Variants in MEFV observed in about 807,000 individuals in gnomAD.
MEFV encodes the protein pyrin.
In MEFV, 60 loss-of-function variants were observed where a neutral mutation model predicts 62.5. That is an observed-to-expected ratio of 0.96 (90% CI 0.78 to 1.19). The LOEUF is 1.19. Ranked by LOEUF, MEFV falls within the 50% of genes most tolerant of loss-of-function variation. The pLI, the probability that MEFV is intolerant of heterozygous loss-of-function variation, is 0.00. For missense variants in MEFV, 1,169 were observed against 1,004.5 expected (o/e 1.16, Z -2.21); for synonymous variants, 500 against 415.2 (o/e 1.20, Z -2.48).
At chr16:3,253,942 C>T (rs909428456) in intron 2 of MEFV, among the ~76,000 whole-genome samples, 5 of 152,070 alleles carry the variant, frequency 3.3e-5, no homozygotes, top group South Asian at 2.1e-4. Flanking sequence ...AGAGCTACCA[C>T]GCCCTGCCCA....
Position 3,243,130 on chromosome 16 carries a change from G to A in MEFV, c.*11C>T, listed in dbSNP as rs1312371186. Reference sequence around the variant, plus strand: ...GGCCAGAAGCAGGAAGAGAGATGCAGTGTTGGGCATTCAGTCAGGCCCCTG... The same window carrying A: ...GGCCAGAAGCAGGAAGAGAGATGCAATGTTGGGCATTCAGTCAGGCCCCTG... On this transcript the variant is annotated 3_prime_UTR_variant, in exon 10 of 10. Transcript: ENST00000219596. The A allele has an allele frequency of 2.5e-6, 4 of 1,612,286 alleles. No homozygotes were observed. Among genetic ancestry groups the A allele is most frequent in the African/African-American group, 1.3e-5 (1 of 74,874 alleles).
rs1184600766 is a variant in MEFV at position 3,254,136 on chromosome 16, AG to A, written c.910+21del. 3 of 1,612,984 alleles carry A rather than the reference AG, an allele frequency of 1.9e-6. No individual in the cohort carries two copies. In the South Asian group the frequency reaches 3.3e-5, roughly 18 times the overall value. On this transcript the variant is annotated intron_variant, in intron 2 of 9. Transcript: ENST00000219596. ...CATTCTTTCTCTGCAGCCGATATAA[AG>A]TAGGAAAGAACACAATTTACCGGTG...
At chr16:3,244,698 G>A (rs1958913145) in intron 6 of MEFV, 110 bp from the exon 7 acceptor site, 1 of 823,486 alleles carries the variant, frequency 1.2e-6, no homozygotes, top group South Asian at 1.4e-5. Flanking sequence ...AGCCCAGCCT[G>A]AGCTACACAA....
chr16:3,244,273 T>C lies in MEFV; in HGVS notation c.1740A>G (p.Ser580=). ...STKYFSETLR[S]EMEMFNVPEL... Reference sequence around the variant, plus strand: ...ACTCACCATTGAACATTTCCATTTCTGAACGCAGGGTTTCTAAAATGTGGG... The same window carrying C: ...ACTCACCATTGAACATTTCCATTTCCGAACGCAGGGTTTCTAAAATGTGGG... The change falls in exon 8 of 10, where the codon TCA becomes TCG. Residue 580 remains serine, a synonymous_variant. Coordinates refer to ENST00000219596, the MANE Select transcript of MEFV (RefSeq NM_000243.3). The C allele has an allele frequency of 6.2e-7, 1 of 1,614,148 alleles. No homozygotes were observed. Among genetic ancestry groups the C allele is most frequent in the Non-Finnish European group, 8.5e-7 (1 of 1,180,014 alleles).
chr16:3,251,010 A>C (rs1195558276), intron 2 of MEFV, among the ~76,000 whole-genome samples: 1 of 140,264 alleles, frequency 7.1e-6, no homozygotes, highest in Non-Finnish European at 1.5e-5. Flanking sequence ...GGTGACCAAG[A>C]GAGACTCCAT....
Position 3,249,671 on chromosome 16 carries a change from C to G in MEFV, c.1020G>C (p.Gly340=). ...DSCSFPEAVS[G]HPQASGSRSP... ...AGCGGCTGCCTGAGGCCTGGGGGTG[C>G]CCAGAAACTGCCTCGGGGAAGCTGC... Residue 340 remains glycine, a synonymous_variant, in exon 3 of 10, where the codon GGG becomes GGC. Transcript: ENST00000219596. 2 of 1,612,782 alleles carry G rather than the reference C, an allele frequency of 1.2e-6. No homozygotes were observed. Among genetic ancestry groups the G allele is most frequent in the African/African-American group, 1.3e-5 (1 of 75,028 alleles).
rs754128103 is a variant in MEFV, at chr16:3,249,460, G to A, written c.1231C>T (p.Pro411Ser). ...TGTTCCAGGGCGACCTCCTCAATGG[G>A]GCGCACCCGGTGGCCTTGGTGCTCC... is the stretch of plus-strand genomic sequence containing the variant. ...SQEHQGHRVR[P>S]IEEVALEHKK... Residue 411 changes from proline (P) to serine (S), a missense_variant, in exon 3 of 10, where the codon CCC becomes TCC. Transcript: ENST00000219596. 6.2e-7 allele frequency: 1 copy of A among 1,614,006 alleles called. No individual in the cohort carries two copies. The highest frequency in any genetic ancestry group is 8.5e-7 in the Non-Finnish European group (1 of 1,180,026).
rs104895166 is a variant in MEFV, at chr16:3,243,382, G to A, written c.2105C>T (p.Ser702Phe). Residue 702 changes from serine to phenylalanine, a missense_variant, in exon 10 of 10, where the codon TCC becomes TTC. Transcript: ENST00000219596. Reference sequence around the variant, plus strand: ...TAGCAGGCGGGTCGGGGGAACGCTGGACGCCTGGTACTCATTTTCCTTCAT... The same window carrying A: ...TAGCAGGCGGGTCGGGGGAACGCTGAACGCCTGGTACTCATTTTCCTTCAT... ...IMMKENEYQA[S>F]SVPPTRLLIK... 1 of 1,614,146 alleles carries A rather than the reference G, an allele frequency of 6.2e-7. No individual in the cohort carries two copies. The highest frequency in any genetic ancestry group is 8.5e-7 in the Non-Finnish European group (1 of 1,180,036).
chr16:3,248,749 G>C (rs1454169236), intron 4 of MEFV, 160 bp downstream of exon 4: 2 of 985,268 alleles, frequency 2.0e-6, no homozygotes, highest in East Asian at 2.3e-4. Context: ...TCCCTCTACA[G>C]GGATGAGCTT....
intron 8 of MEFV, 114 bp downstream of exon 8, chr16:3,244,140 G>A (rs1488296175): frequency 1.9e-6 from 3 of 1,554,362 alleles, no homozygotes; most frequent in Non-Finnish European, 2.6e-6. Context: ...TCCTACCTTT[G>A]CTCCAGGTGT....
In MEFV at chr16:3,254,793, G is replaced by GGAAT. The variant is rs755390179; in HGVS notation, c.278-4_278-3insATTC. 1 of 1,611,048 alleles carries GGAAT rather than the reference G, an allele frequency of 6.2e-7. No individual in the cohort carries two copies. The highest frequency in any genetic ancestry group is 1.3e-5 in the African/African-American group (1 of 75,066). ...GCCGTTTTCTTGTGTGGAATATTCTGGAAGGACAACCAGATGCAAAATGAT... is the reference window on the plus strand; with the variant it reads ...GCCGTTTTCTTGTGTGGAATATTCTGGAATGAAGGACAACCAGATGCAAAATGAT... On this transcript the variant is annotated splice_region_variant and splice_polypyrimidine_tract_variant and intron_variant, in intron 1 of 9. Coordinates refer to ENST00000219596, the MANE Select transcript of MEFV (RefSeq NM_000243.3).
At position 3,242,853 on chromosome 16, in the gene MEFV, A is replaced by T; in HGVS notation, c.*288T>A. 2 of 470,984 alleles carry T rather than the reference A, an allele frequency of 4.2e-6. No individual in the cohort carries two copies. Among genetic ancestry groups the T allele is most frequent in the South Asian group, 2.0e-5 (1 of 49,192 alleles). The allele number at this position is 470,984 out of a possible 1,614,324, so 29.2% of individuals were successfully genotyped here. ...AAAATGAGGGCCAAATCTTCTGTTCAGGAGCACCTGAGAGTGCCACCCACC... is the reference window on the plus strand; with the variant it reads ...AAAATGAGGGCCAAATCTTCTGTTCTGGAGCACCTGAGAGTGCCACCCACC... On this transcript the variant is annotated 3_prime_UTR_variant, in exon 10 of 10. Coordinates refer to ENST00000219596, the MANE Select transcript of MEFV (RefSeq NM_000243.3).
chr16:3,244,017 G>T (rs1333097581), intron 8 of MEFV, 125 bp from the exon 9 acceptor site: 1 of 1,556,732 alleles, frequency 6.4e-7, no homozygotes, highest in Non-Finnish European at 8.7e-7. Flanking sequence ...ATGCTATGTT[G>T]GGTATAATCC....
intron 6 of MEFV, among the ~76,000 whole-genome samples, chr16:3,245,878 G>T (rs1049054349): frequency 6.6e-6 from 1 of 152,174 alleles, no homozygotes; most frequent in African/African-American, 2.4e-5. Context: ...GTACACCCTT[G>T]TTCATAGCAA....
chr16:3,248,874 G>A (rs1958985561), intron 4 of MEFV, 35 bp downstream of exon 4: 1 of 1,612,888 alleles, frequency 6.2e-7, no homozygotes, highest in Non-Finnish European at 8.5e-7. Flanking sequence ...CTTCCTCCCA[G>A]GGACGGATGG....
Position 3,254,807 on chromosome 16 carries a change from A to G in MEFV, c.278-17T>C. 9 of 1,609,284 alleles carry G rather than the reference A, an allele frequency of 5.6e-6. No homozygotes were observed. The highest frequency in any genetic ancestry group is 1.7e-5 in the Admixed American group (1 of 60,030). The stretch of plus-strand genomic sequence containing the variant: ...TGGAATATTCTGGAAGGACAACCAG[A>G]TGCAAAATGATGAAGCTGTCCCACG... On this transcript the variant is annotated splice_polypyrimidine_tract_variant and intron_variant, in intron 1 of 9. Coordinates refer to ENST00000219596, the MANE Select transcript of MEFV (RefSeq NM_000243.3).
chr16:3,247,117 T>C lies in MEFV; in HGVS notation c.1486A>G (p.Lys496Glu). Residue 496 changes from lysine to glutamate, a missense_variant, in exon 5 of 10, where the codon AAG becomes GAG. Physicochemically the swap from Lys to Glu is moderately conservative, Grantham distance 56. Transcript: ENST00000219596. Reference protein sequence around the residue: ...DVGQMVGQIRKAYDTRVSQDI... With the variant: ...DVGQMVGQIREAYDTRVSQDI... Reference sequence around the variant, plus strand: ...TGGGATACGCGGGTGTCATATGCCTTCCTGATCTGCCCAACCATCTGGCCC... The same window carrying C: ...TGGGATACGCGGGTGTCATATGCCTCCCTGATCTGCCCAACCATCTGGCCC... 1.2e-6 allele frequency: 2 copies of C among 1,614,188 alleles called. No homozygotes were observed. Among genetic ancestry groups the C allele is most frequent in the Non-Finnish European group, 1.7e-6 (2 of 1,180,030 alleles).
At position 3,254,330 on chromosome 16, in the gene MEFV, G is replaced by A. The variant is rs1020755766; in HGVS notation, c.738C>T (p.Thr246=). Residue 246 remains threonine, a synonymous_variant, in exon 2 of 10, where the codon ACC becomes ACT. Transcript: ENST00000219596. ...CGGGCGCCTTCTCCCCTGTAGAAAT[G>A]GTGACCTCAAGGCTTCTAGGTCGCA... ...GKMRPRSLEV[T]ISTGEKAPAN... 1.9e-6 allele frequency: 3 copies of A among 1,614,224 alleles called. No individual in the cohort carries two copies. The highest frequency in any genetic ancestry group is 2.5e-6 in the Non-Finnish European group (3 of 1,180,040).
chr16:3,245,842 C>G (rs1472021766), intron 6 of MEFV, among the ~76,000 whole-genome samples: 1 of 152,096 alleles, frequency 6.6e-6, no homozygotes, highest in East Asian at 1.9e-4. Context: ...CCCAAAATAA[C>G]AAAGCAGGGT....
Sources: allele counts gnomAD v4.1 joint callset (sites outside exome capture counted in the v4.1 genomes callset), GRCh38; gene constraint gnomAD v4.1.1; transcripts MANE v1.5; gene names NCBI Gene and HGNC (gene_info 2026-07-23, HGNC 2026-07-21).